Variants in PRR12 observed in about 807,000 individuals in gnomAD.
PRR12 encodes proline rich 12.
Under a neutral mutation model 138.0 loss-of-function variants are expected in PRR12, and 12 were observed. The ratio of observed to expected loss-of-function variants is 0.09; its 90% CI spans 0.06 to 0.14. PRR12 has a LOEUF of 0.14. Ranked by LOEUF, PRR12 falls within the 10% of genes least tolerant of loss-of-function variation. The pLI, the probability that PRR12 is intolerant of heterozygous loss-of-function variation, is 1.00. For synonymous variants in PRR12, 1,567 were observed against 1,291.7 expected (o/e 1.21, Z -4.57); for missense variants, 2,692 against 2,861.3 (o/e 0.94, Z 1.35).
At chr19:49,611,570 A>G (rs2080865927) in intron 6 of PRR12, among the ~76,000 whole-genome samples, 1 of 151,154 alleles carries the variant, frequency 6.6e-6, no homozygotes, top group East Asian at 2.0e-4. Flanking sequence ...CCCAGGAGGC[A>G]GAGATTTCAG....
rs1326913396 is a variant in PRR12, at chr19:49,599,932, A to T, written c.4339A>T (p.Thr1447Ser). The change falls in exon 5 of 14, where the codon ACT becomes TCT. Residue 1447 changes from threonine (T) to serine (S), a missense_variant. By Grantham distance (58) the Thr-to-Ser change is moderately conservative (BLOSUM62 1). Transcript: ENST00000418929. The surrounding 1 kb of genome is among the most constrained non-coding windows in gnomAD (Gnocchi z 5.0). ...PGLPSANSNG[T>S]PEPPLLEEKP... ...GCTCCCCAGTGCCAACAGCAATGGC[A>T]CTCCCGGTGAGCTCTGGGCAGGTGG... The T allele has an allele frequency of 6.3e-7, 1 of 1,598,598 alleles. No homozygotes were observed. Among genetic ancestry groups the T allele is most frequent in the East Asian group, 2.2e-5 (1 of 44,642 alleles).
chr19:49,611,127 C>T lies in PRR12; in HGVS notation c.4774-3406C>T, dbSNP rs1304050425. ...AAAGCGTTGGGATTACAGGCATGAG[C>T]CACTGCGCCTGGCCATGAAACCCCA... On this transcript the variant is annotated intron_variant, in intron 6 of 13. Coordinates refer to ENST00000418929, the MANE Select transcript of PRR12 (RefSeq NM_020719.3). Among the ~76,000 whole-genome samples the T allele has an allele frequency of 2.0e-5, 3 of 152,086 alleles. No individual in the cohort carries two copies. The East Asian group carries it at 5.8e-4, about 30-fold the overall frequency.
Position 49,614,841 on chromosome 19 carries a change from G to A in PRR12, c.4891-35G>A. 1 of 1,613,804 alleles carries A rather than the reference G, an allele frequency of 6.2e-7. No individual in the cohort carries two copies. Among genetic ancestry groups the A allele is most frequent in the Non-Finnish European group, 8.5e-7 (1 of 1,179,746 alleles). ...TGTTGGCCATCTGGCTGGGCAGTGTGAAGAATTTCCTCATGTGCCTCTTTC... is the reference window on the plus strand; with the variant it reads ...TGTTGGCCATCTGGCTGGGCAGTGTAAAGAATTTCCTCATGTGCCTCTTTC... On this transcript the variant is annotated intron_variant, in intron 7 of 13. Transcript: ENST00000418929. The surrounding 1 kb of genome is among the most constrained non-coding windows in gnomAD (Gnocchi z 5.0).
rs777494261 is a variant in PRR12, at chr19:49,596,064, C to T, written c.1729C>T (p.Pro577Ser). 9 of 1,601,778 alleles carry T rather than the reference C, an allele frequency of 5.6e-6. No homozygotes were observed. In the South Asian group the frequency reaches 8.8e-5, roughly 16 times the overall value. Residue 577 changes from proline (P) to serine (S), a missense_variant, in exon 4 of 14, where the codon CCA becomes TCA. Transcript: ENST00000418929. This position sits in a 1 kb window ranked among gnomAD's most constrained non-coding sequence, Gnocchi z 5.6. ...CCAGTCACCGCCTGCCACCGGCCGTCCACCTGGAGTCGGCTCTCCAGGAGC... is the reference window on the plus strand; with the variant it reads ...CCAGTCACCGCCTGCCACCGGCCGTTCACCTGGAGTCGGCTCTCCAGGAGC... ...PLQSPPATGR[P>S]PGVGSPGAPG...
At chr19:49,621,739 T>C in intron 11 of PRR12, 117 bp downstream of exon 11, 1 of 825,728 alleles carries the variant, frequency 1.2e-6, no homozygotes, top group Non-Finnish European at 1.9e-6. Context: ...CCTTCTGGGC[T>C]CAGATGGGAG....
Position 49,597,503 on chromosome 19 carries a change from G to A in PRR12, c.3168G>A (p.Lys1056=). The A allele has an allele frequency of 6.4e-7, 1 of 1,553,102 alleles. No individual in the cohort carries two copies. Among genetic ancestry groups the A allele is most frequent in the Non-Finnish European group, 8.7e-7 (1 of 1,150,116 alleles). ...CTCCCGCGCCGGCCTCCGAACCCAA[G>A]GGTGGCCTCACCTCGCCCATCTTCT... ...PPPPAPASEP[K]GGLTSPIFCS... The change falls in exon 4 of 14, where the codon AAG becomes AAA. Residue 1056 remains lysine, a synonymous_variant. Coordinates refer to ENST00000418929, the MANE Select transcript of PRR12 (RefSeq NM_020719.3). The surrounding 1 kb of genome is among the most constrained non-coding windows in gnomAD (Gnocchi z 6.3).
chr19:49,619,535 C>G (rs1381631776), intron 9 of PRR12, among the ~76,000 whole-genome samples: 1 of 67,140 alleles, frequency 1.5e-5, no homozygotes, highest in Admixed American at 2.0e-4. Flanking sequence ...ATGCCCAGCC[C>G]TTTTTTTTTT....
chr19:49,616,197 C>A lies in PRR12; in HGVS notation c.5475C>A (p.Ser1825=). The change falls in exon 9 of 14, where the codon TCC becomes TCA. Residue 1825 remains serine, a synonymous_variant. Transcript: ENST00000418929. This position sits in a 1 kb window ranked among gnomAD's most constrained non-coding sequence, Gnocchi z 4.2. Reference sequence around the variant, plus strand: ...GCAGCTCCTCGGACTCGGAGTCCTCCCCTGGAGCCCCCAGCGAGGACGGTG... The same window carrying A: ...GCAGCTCCTCGGACTCGGAGTCCTCACCTGGAGCCCCCAGCGAGGACGGTG... ...PPGSSSDSES[S]PGAPSEDERA... 6.5e-7 allele frequency: 1 copy of A among 1,541,992 alleles called. No individual in the cohort carries two copies. Among genetic ancestry groups the A allele is most frequent in the African/African-American group, 1.4e-5 (1 of 73,068 alleles).
At position 49,596,408 on chromosome 19, in the gene PRR12, C is replaced by G. The variant is rs1356286530; in HGVS notation, c.2073C>G (p.Ala691=). ...GGPPGTPYEL[A]KEDPQRYHLQ... ...CACCGGGTACACCCTACGAGTTGGC[C>G]AAGGAAGACCCCCAGAGGTACCACC... Residue 691 remains alanine (A), a synonymous_variant, in exon 4 of 14, where the codon GCC becomes GCG. Transcript: ENST00000418929. This position sits in a 1 kb window ranked among gnomAD's most constrained non-coding sequence, Gnocchi z 5.6. 6.2e-7 allele frequency: 1 copy of G among 1,607,920 alleles called. No homozygotes were observed. Among genetic ancestry groups the G allele is most frequent in the Admixed American group, 1.7e-5 (1 of 59,754 alleles).
rs752661237 is a variant in PRR12 at position 49,595,429 on chromosome 19, C to G, written c.1094C>G (p.Pro365Arg). The G allele has an allele frequency of 2.1e-5, 32 of 1,546,600 alleles. No homozygotes were observed. The highest frequency in any genetic ancestry group is 2.6e-5 in the Non-Finnish European group (30 of 1,145,992). ...GGGGCATCTGGCCGGGCCACGGGCC[C>G]TGAGGCAGCAGGGGGCGGTGGGGCT... ...TAGASGRATG[P>R]EAAGGGGAGG... Residue 365 changes from proline to arginine, a missense_variant, in exon 4 of 14, where the codon CCT becomes CGT. Coordinates refer to ENST00000418929, the MANE Select transcript of PRR12 (RefSeq NM_020719.3).
chr19:49,594,148 T>C lies in PRR12; in HGVS notation c.200-306T>C, dbSNP rs1407142945. On this transcript the variant is annotated intron_variant, in intron 2 of 13. Coordinates refer to ENST00000418929, the MANE Select transcript of PRR12 (RefSeq NM_020719.3). This position sits in a 1 kb window ranked among gnomAD's most constrained non-coding sequence, Gnocchi z 5.6. The stretch of plus-strand genomic sequence containing the variant: ...CCTCCCAGCCTTACTGAGGACTCTG[T>C]TCTTTTGCTCCTGGCTCTTTCGCTT... Among the ~76,000 whole-genome samples, 2 of 152,220 alleles carry C rather than the reference T, an allele frequency of 1.3e-5. No individual in the cohort carries two copies. The highest frequency in any genetic ancestry group is 4.8e-5 in the African/African-American group (2 of 41,452).
chr19:49,615,045 G>A (rs777046722), intron 8 of PRR12, 36 bp downstream of exon 8: 2 of 1,612,340 alleles, frequency 1.2e-6, no homozygotes, highest in East Asian at 2.2e-5. Context: ...CAGGTAGTAT[G>A]TAGCGCCGAC....
Position 49,614,920 on chromosome 19 carries a change from C to T in PRR12, c.4935C>T (p.Leu1645=). The part of the protein sequence containing the change: ...FGDAKNRYQR[L]YVKFLENVNK... Reference sequence around the variant, plus strand: ...ATGCAAAAAATCGGTACCAGCGCCTCTATGTAAAGTTCCTGGAAAATGTCA... The same window carrying T: ...ATGCAAAAAATCGGTACCAGCGCCTTTATGTAAAGTTCCTGGAAAATGTCA... The change falls in exon 8 of 14, where the codon CTC becomes CTT. Residue 1645 remains leucine (L), a synonymous_variant. Coordinates refer to ENST00000418929, the MANE Select transcript of PRR12 (RefSeq NM_020719.3). This position sits in a 1 kb window ranked among gnomAD's most constrained non-coding sequence, Gnocchi z 5.0. 6.2e-7 allele frequency: 1 copy of T among 1,613,958 alleles called. No individual in the cohort carries two copies. Among genetic ancestry groups the T allele is most frequent in the Non-Finnish European group, 8.5e-7 (1 of 1,179,890 alleles).
chr19:49,612,924 A>G lies in PRR12; in HGVS notation c.4774-1609A>G, dbSNP rs183239162. Among the ~76,000 whole-genome samples, 803 of 151,924 alleles carry G rather than the reference A, an allele frequency of 5.3e-3. 3 individuals are homozygous for G. The highest frequency in any genetic ancestry group is 8.9e-3 in the Non-Finnish European group (603 of 67,904). On this transcript the variant is annotated intron_variant, in intron 6 of 13. Coordinates refer to ENST00000418929, the MANE Select transcript of PRR12 (RefSeq NM_020719.3). ...AGTGATCCCACCTCGGCCTCCCAAA[A>G]TGTTGGGATTAAAGGTGTGAGCCAC... is the stretch of plus-strand genomic sequence containing the variant.
chr19:49,599,284 G>C lies in PRR12; in HGVS notation c.3691G>C (p.Val1231Leu), dbSNP rs376588666. The C allele has an allele frequency of 1.1e-5, 17 of 1,602,190 alleles. No homozygotes were observed. The African/African-American group carries it at 2.3e-4, about 21-fold the overall frequency. Residue 1231 changes from valine to leucine, a missense_variant, in exon 5 of 14, where the codon GTG becomes CTG. Coordinates refer to ENST00000418929, the MANE Select transcript of PRR12 (RefSeq NM_020719.3). The surrounding 1 kb of genome is among the most constrained non-coding windows in gnomAD (Gnocchi z 5.0). ...CTCCCATGTCTAGATCAAGCTGTCT[G>C]TGCCCAAGGCTGGCGAGGGTCTGGG... is the stretch of plus-strand genomic sequence containing the variant. ...PLKPLKIKLSVPKAGEGLGTS... is the reference protein window; with the variant it reads ...PLKPLKIKLSLPKAGEGLGTS...
In PRR12 at chr19:49,599,899, C is replaced by T; in HGVS notation, c.4306C>T (p.Leu1436Phe). 6.2e-7 allele frequency: 1 copy of T among 1,610,240 alleles called. No individual in the cohort carries two copies. The highest frequency in any genetic ancestry group is 8.5e-7 in the Non-Finnish European group (1 of 1,178,030). ...GGCTGCAGTTCCAGGGCCACCCCCT[C>T]TTCCGGGGCTCCCCAGTGCCAACAG... The part of the protein sequence containing the change: ...PAAAVPGPPP[L>F]PGLPSANSNG... Residue 1436 changes from leucine to phenylalanine, a missense_variant, in exon 5 of 14, where the codon CTT becomes TTT. Leu to Phe is a conservative substitution (Grantham distance 22, BLOSUM62 0). Transcript: ENST00000418929. This position sits in a 1 kb window ranked among gnomAD's most constrained non-coding sequence, Gnocchi z 5.0.
At chr19:49,606,619 C>A (rs2080839550) in intron 6 of PRR12, among the ~76,000 whole-genome samples, 1 of 151,074 alleles carries the variant, frequency 6.6e-6, no homozygotes. Flanking sequence ...TGTGCCCAGC[C>A]CATTTTTTTC....
Position 49,597,422 on chromosome 19 carries a change from G to A in PRR12, c.3087G>A (p.Leu1029=), listed in dbSNP as rs373409530. ...CGGTCAACGCCGAGCCGCTGGGCCTGATCCAGAGTGGCCCCCACCAGGCGG... is the reference window on the plus strand; with the variant it reads ...CGGTCAACGCCGAGCCGCTGGGCCTAATCCAGAGTGGCCCCCACCAGGCGG... The part of the protein sequence containing the change: ...PSTVNAEPLG[L]IQSGPHQAAP... The change falls in exon 4 of 14, where the codon CTG becomes CTA. Residue 1029 remains leucine, a synonymous_variant. Transcript: ENST00000418929. The surrounding 1 kb of genome is among the most constrained non-coding windows in gnomAD (Gnocchi z 6.3). The A allele has an allele frequency of 6.5e-7, 1 of 1,538,362 alleles. No individual in the cohort carries two copies.
In PRR12 at chr19:49,597,452, ACCACCCCCGCCTCCG is replaced by A. The variant is rs1568423493; in HGVS notation, c.3123_3137del (p.Pro1045_Pro1049del). Reference sequence around the variant, plus strand: ...AGAGTGGCCCCCACCAGGCGGCGCCACCACCCCCGCCTCCGCCACCGCCGCCTCCCGCGCCGGCCT... The same window carrying A: ...AGAGTGGCCCCCACCAGGCGGCGCCACCACCGCCGCCTCCCGCGCCGGCCT... On this transcript the variant is annotated inframe_deletion, in exon 4 of 14. Coordinates refer to ENST00000418929, the MANE Select transcript of PRR12 (RefSeq NM_020719.3). The surrounding 1 kb of genome is among the most constrained non-coding windows in gnomAD (Gnocchi z 6.3). 5.2e-6 allele frequency: 8 copies of A among 1,538,914 alleles called. No individual in the cohort carries two copies. The highest frequency in any genetic ancestry group is 6.1e-6 in the Non-Finnish European group (7 of 1,145,394).
Sources: gnomAD v4.1 joint callset for allele counts (sites outside exome capture counted in the v4.1 genomes callset) on GRCh38, gnomAD v4.1.1 for gene constraint, Gnocchi (gnomAD v3.1) non-coding constraint, MANE v1.5 for transcripts, NCBI Gene and HGNC (gene_info 2026-07-23, HGNC 2026-07-21) for gene names.